Variants in DGKG observed in about 807,000 individuals in gnomAD.
DGKG encodes DAG kinase gamma.
A neutral mutation model predicts 105.3 loss-of-function variants in DGKG; 78 were observed. The ratio of observed to expected loss-of-function variants is 0.74; its 90% CI spans 0.62 to 0.89. DGKG has a LOEUF of 0.89. DGKG is among the 40% of genes least tolerant of loss of function. The probability of loss-of-function intolerance (pLI) is 0.00; values close to 1 mark genes in which losing one functional copy is unlikely to be tolerated. For synonymous variants in DGKG, 346 were observed against 367.1 expected (o/e 0.94, Z 0.66); for missense variants, 958 against 1,020.1 (o/e 0.94, Z 0.83).
intron 2 of DGKG, among the ~76,000 whole-genome samples, chr3:186,314,085 T>C (rs567390610): frequency 4.6e-5 from 7 of 152,072 alleles, no homozygotes; most frequent in Admixed American, 1.3e-4. Context: ...AGAAATATAT[T>C]TCCTAATAGC....
At chr3:186,276,096 C>A (rs1397661006) in intron 9 of DGKG, among the ~76,000 whole-genome samples, 2 of 152,086 alleles carry the variant, frequency 1.3e-5, no homozygotes, top group African/African-American at 4.8e-5. Flanking sequence ...TTTTAAAAGG[C>A]AGATGAGCCT....
chr3:186,161,768 T>G, intron 23 of DGKG, 105 bp from the exon 24 acceptor site: 1 of 1,537,996 alleles, frequency 6.5e-7, no homozygotes, highest in Non-Finnish European at 8.9e-7. Flanking sequence ...TCTGCCTACC[T>G]AAGTGTGGTT....
chr3:186,254,096 T>C (rs142111303), intron 17 of DGKG, among the ~76,000 whole-genome samples: 123 of 152,252 alleles, frequency 8.1e-4, no homozygotes, highest in African/African-American at 2.9e-3. Flanking sequence ...AGATCTACCG[T>C]GGCATATTGT....
intron 1 of DGKG, among the ~76,000 whole-genome samples, chr3:186,348,751 G>A (rs995037014): frequency 9.2e-5 from 14 of 151,938 alleles, no homozygotes; most frequent in African/African-American, 3.4e-4. Context: ...GCACCGGTTG[G>A]TTCATTATCT....
At chr3:186,352,026 A>G (rs757959973) in intron 1 of DGKG, among the ~76,000 whole-genome samples, 5 of 152,218 alleles carry the variant, frequency 3.3e-5, no homozygotes, top group Non-Finnish European at 7.3e-5. Context: ...CCCCAGACCA[A>G]TTAAGTAAGC....
intron 2 of DGKG, chr3:186,313,481 C>T: frequency 1.2e-5 from 12 of 984,266 alleles, no homozygotes; most frequent in Admixed American, 6.1e-5. Context: ...CACCTTTTCT[C>T]CAAATAATTT....
chr3:186,322,062 C>A (rs552327767), intron 1 of DGKG, among the ~76,000 whole-genome samples: 1 of 152,178 alleles, frequency 6.6e-6, no homozygotes, highest in Non-Finnish European at 1.5e-5. Flanking sequence ...CAGAAAACTT[C>A]CACCTAGAGA....
intron 2 of DGKG, among the ~76,000 whole-genome samples, chr3:186,316,749 C>T (rs993197048): frequency 2.6e-5 from 4 of 152,194 alleles, no homozygotes; most frequent in East Asian, 1.9e-4. Flanking sequence ...ACAACAAGAG[C>T]CTCTCCTACC....
intron 1 of DGKG, among the ~76,000 whole-genome samples, chr3:186,350,857 C>T (rs1726597017): frequency 6.6e-6 from 1 of 152,172 alleles, no homozygotes; most frequent in Admixed American, 6.5e-5. Context: ...ATTCATGATG[C>T]TGAGCTTTTC....
At chr3:186,151,434 A>G (rs1312820769) in intron 24 of DGKG, among the ~76,000 whole-genome samples, 1 of 152,238 alleles carries the variant, frequency 6.6e-6, no homozygotes, top group Non-Finnish European at 1.5e-5. Context: ...CAAGGTGGGC[A>G]TGGAATGAGA....
chr3:186,251,099 G>A (rs1336515558), intron 19 of DGKG, among the ~76,000 whole-genome samples: 3 of 146,586 alleles, frequency 2.0e-5, no homozygotes, highest in Non-Finnish European at 1.5e-5. Flanking sequence ...GTGTGTGTGT[G>A]TGCATGGCAG....
At chr3:186,190,454 G>T (rs1286250345) in intron 21 of DGKG, among the ~76,000 whole-genome samples, 2 of 152,152 alleles carry the variant, frequency 1.3e-5, no homozygotes, top group Non-Finnish European at 2.9e-5. Flanking sequence ...CCAGAAATGA[G>T]ATGACGTGCA....
intron 17 of DGKG, among the ~76,000 whole-genome samples, chr3:186,255,262 TG>T (rs1721411487): frequency 6.6e-6 from 1 of 152,106 alleles, no homozygotes; most frequent in East Asian, 1.9e-4. Flanking sequence ...GCTCTGAGAG[TG>T]GGCAAAAAAG....
chr3:186,166,282 C>G (rs534117727), intron 22 of DGKG, among the ~76,000 whole-genome samples: 10 of 152,188 alleles, frequency 6.6e-5, no homozygotes, highest in African/African-American at 2.2e-4. Context: ...AACAGATACA[C>G]GGCTTGCATC....
At chr3:186,306,658 G>A in intron 3 of DGKG, 1 of 444,994 alleles carries the variant, frequency 2.2e-6, no homozygotes, top group Non-Finnish European at 4.0e-6. Context: ...TGAGGATGAG[G>A]AGAGGAGGGG....
At chr3:186,157,567 T>A (rs977334400) in intron 24 of DGKG, among the ~76,000 whole-genome samples, 3 of 152,236 alleles carry the variant, frequency 2.0e-5, no homozygotes, top group Admixed American at 6.5e-5. Flanking sequence ...ATCTCACCAA[T>A]AAGGCCATCT....
chr3:186,321,351 A>G (rs1163337502), intron 1 of DGKG, among the ~76,000 whole-genome samples: 1 of 152,228 alleles, frequency 6.6e-6, no homozygotes, highest in Non-Finnish European at 1.5e-5. Flanking sequence ...ATGTAAACAC[A>G]TGAAATGGAA....
chr3:186,302,507 CAT>C (rs1423470732), intron 3 of DGKG, among the ~76,000 whole-genome samples: 1 of 11,482 alleles, frequency 8.7e-5, no homozygotes, highest in Non-Finnish European at 2.7e-4. Flanking sequence ...TATATATATA[CAT>C]ATGTGTATAT....
At position 186,211,879 on chromosome 3, in the gene DGKG, C is replaced by T. The variant is rs1405698388; in HGVS notation, c.1833G>A (p.Lys611=). The T allele has an allele frequency of 4.3e-6, 7 of 1,613,738 alleles. No individual in the cohort carries two copies. Among genetic ancestry groups the T allele is most frequent in the Non-Finnish European group, 5.9e-6 (7 of 1,179,604 alleles). The stretch of plus-strand genomic sequence containing the variant: ...CAAATTCAAAGTACCACAGCTTGTT[C>T]TTCATCCTGGACCACAAAGCAGAGA... ...KHPEKFNSRM[K]NKLWYFEFGT... The change falls in exon 21 of 25, where the codon AAG becomes AAA. Residue 611 remains lysine, a synonymous_variant. Transcript: ENST00000265022.
Sources: allele counts gnomAD v4.1 joint callset (sites outside exome capture counted in the v4.1 genomes callset), GRCh38; gene constraint gnomAD v4.1.1; transcripts MANE v1.5; gene names NCBI Gene and HGNC (gene_info 2026-07-23, HGNC 2026-07-21).